The following GRAMD1B variants were observed in gnomAD, a reference collection of about 807,000 sequenced individuals.
GRAMD1B encodes the protein GRAM domain containing 1B.
GRAMD1B carries 37 observed loss-of-function variants against 99.7 expected under a neutral mutation model. That is an observed-to-expected ratio of 0.37 (90% CI 0.29 to 0.49). The LOEUF is 0.49. Ranked by LOEUF, GRAMD1B falls within the 20% of genes least tolerant of loss-of-function variation. GRAMD1B has a pLI of 0.98. For missense variants in GRAMD1B, 888 were observed against 1,009.2 expected (o/e 0.88, Z 1.63); for synonymous variants, 427 against 387.6 (o/e 1.10, Z -1.19).
Position 123,600,497 on chromosome 11 carries a change from T to A in GRAMD1B, c.999T>A (p.Asp333Glu). Reference protein sequence around the residue: ...KHFFTSFGARDRTYMMMFRLW... With the variant: ...KHFFTSFGARERTYMMMFRLW... ...TCTTCACTTCGTTTGGGGCCCGGGA[T>A]AGGACATATATGATGATGTTCCGGC... Residue 333 changes from aspartate (D) to glutamate (E), a missense_variant, in exon 8 of 20, where the codon GAT becomes GAA. Asp to Glu is a conservative substitution (Grantham distance 45). Around this residue, in one of 5 missense-constraint regions of GRAMD1B, gnomAD observed 269 missense variants for 296.6 expected, o/e 0.91. Transcript: ENST00000635736. The A allele has an allele frequency of 6.2e-7, 1 of 1,600,578 alleles. No individual in the cohort carries two copies. Among genetic ancestry groups the A allele is most frequent in the Non-Finnish European group, 8.6e-7 (1 of 1,168,250 alleles).
intron 2 of GRAMD1B, chr11:123,526,066 A>G (rs1942695059): frequency 1.9e-5 from 23 of 1,211,118 alleles, no homozygotes; most frequent in Non-Finnish European, 2.6e-5. Flanking sequence ...GGACTTCGTC[A>G]TCTTTTCCAA....
intron 1 of GRAMD1B, among the ~76,000 whole-genome samples, chr11:123,372,627 T>G (rs939706712): frequency 6.6e-6 from 1 of 152,200 alleles, no homozygotes; most frequent in Non-Finnish European, 1.5e-5. Flanking sequence ...AAGCAGAATA[T>G]CTTGTAAAGT....
intron 1 of GRAMD1B, among the ~76,000 whole-genome samples, chr11:123,445,840 AAGAC>A (rs1237739869): frequency 6.8e-6 from 1 of 146,658 alleles, no homozygotes; most frequent in East Asian, 2.0e-4. Context: ...AAAAAAAAAC[AAGAC>A]AAACAAACAA....
intron 15 of GRAMD1B, chr11:123,613,127 C>T: frequency 1.8e-6 from 1 of 558,852 alleles, no homozygotes; most frequent in Non-Finnish European, 3.2e-6. Flanking sequence ...AAAGGAACCA[C>T]AGACCTAGTG....
intron 2 of GRAMD1B, among the ~76,000 whole-genome samples, chr11:123,496,119 T>G (rs1939225526): frequency 6.6e-6 from 1 of 152,210 alleles, no homozygotes; most frequent in African/African-American, 2.4e-5. Context: ...AGAACTCCCT[T>G]CAGCATTTCT....
At chr11:123,361,538 C>T (rs9971486) in intron 1 of GRAMD1B, among the ~76,000 whole-genome samples, 17,894 of 152,100 alleles carry the variant, frequency 0.12, 2,520 homozygotes, top group African/African-American at 0.32. Context: ...CTCCTTTCTC[C>T]GTCTTGCAAC....
At chr11:123,448,263 A>AT (rs113375901) in intron 1 of GRAMD1B, among the ~76,000 whole-genome samples, 22,652 of 149,800 alleles carry the variant, frequency 0.15, 2,017 homozygotes, top group African/African-American at 0.25. Flanking sequence ...TTTTTTTATT[A>AT]TTTTTTTTTG....
intron 1 of GRAMD1B, among the ~76,000 whole-genome samples, chr11:123,468,033 T>C (rs901643307): frequency 7.2e-5 from 11 of 151,916 alleles, no homozygotes; most frequent in African/African-American, 2.7e-4. Flanking sequence ...CAGCTATTTT[T>C]TTGTATTTTT....
chr11:123,578,523 C>A, intron 3 of GRAMD1B: 1 of 902,680 alleles, frequency 1.1e-6, no homozygotes, highest in Non-Finnish European at 1.8e-6. Flanking sequence ...CCTGCCGATT[C>A]TGGCCCTTAT....
chr11:123,414,191 C>T (rs376283460), intron 1 of GRAMD1B, among the ~76,000 whole-genome samples: 2 of 151,968 alleles, frequency 1.3e-5, no homozygotes, highest in East Asian at 3.9e-4. Context: ...ACTACAGGTG[C>T]GTACCACCAT....
chr11:123,368,724 A>AAAG (rs1429261892), intron 1 of GRAMD1B, among the ~76,000 whole-genome samples: 4 of 151,730 alleles, frequency 2.6e-5, no homozygotes, highest in Admixed American at 6.6e-5. Flanking sequence ...AGAAAAAAGA[A>AAAG]AAGTAAGGTA....
At chr11:123,419,383 A>T (rs1401633741) in intron 1 of GRAMD1B, among the ~76,000 whole-genome samples, 1 of 152,214 alleles carries the variant, frequency 6.6e-6, no homozygotes, top group East Asian at 1.9e-4. Flanking sequence ...TACTGCCAGC[A>T]CTTTGGGAGG....
At chr11:123,596,160 G>A (rs921110903) in intron 7 of GRAMD1B, 123 bp downstream of exon 7, 2 of 589,284 alleles carry the variant, frequency 3.4e-6, no homozygotes, top group South Asian at 2.1e-5. Flanking sequence ...GGCGCTAAGG[G>A]CGATGCAGAT....
At chr11:123,503,313 C>T (rs373181085) in intron 2 of GRAMD1B, among the ~76,000 whole-genome samples, 4 of 152,092 alleles carry the variant, frequency 2.6e-5, no homozygotes, top group African/African-American at 7.2e-5. Context: ...GGAAGTGGTG[C>T]GATTGTGCCT....
chr11:123,361,334 G>A (rs1338293025), intron 1 of GRAMD1B, among the ~76,000 whole-genome samples: 1 of 152,148 alleles, frequency 6.6e-6, no homozygotes, highest in Non-Finnish European at 1.5e-5. Context: ...TCCAACTGTC[G>A]GCTGCTTTTG....
At chr11:123,494,623 T>G (rs1167918650) in intron 2 of GRAMD1B, among the ~76,000 whole-genome samples, 1 of 152,114 alleles carries the variant, frequency 6.6e-6, no homozygotes, top group South Asian at 2.1e-4. Context: ...ACTCTAGCCC[T>G]TCTTCTTTGT....
At chr11:123,561,843 A>C (rs939222560) in intron 2 of GRAMD1B, among the ~76,000 whole-genome samples, 8 of 152,212 alleles carry the variant, frequency 5.3e-5, no homozygotes, top group African/African-American at 1.9e-4. Flanking sequence ...CTGGCCTTGG[A>C]AGAAGGGTAA....
intron 2 of GRAMD1B, among the ~76,000 whole-genome samples, chr11:123,485,636 C>A (rs1937647360): frequency 6.6e-6 from 1 of 151,638 alleles, no homozygotes; most frequent in African/African-American, 2.4e-5. Flanking sequence ...AAGAATAATT[C>A]TTCCAGGTGT....
intron 2 of GRAMD1B, among the ~76,000 whole-genome samples, chr11:123,520,023 A>G (rs1428419093): frequency 6.6e-6 from 1 of 152,208 alleles, no homozygotes; most frequent in Admixed American, 6.5e-5. Context: ...GTGACCTCTT[A>G]CCATTCTAGT....
Sources: gnomAD v4.1 joint callset for allele counts (sites outside exome capture counted in the v4.1 genomes callset) on GRCh38, gnomAD v4.1.1 for gene constraint, gnomAD v4.1.1 regional missense constraint, MANE v1.5 for transcripts, NCBI Gene and HGNC (gene_info 2026-07-23, HGNC 2026-07-21) for gene names.